Variants in FAM107B observed in about 807,000 individuals in gnomAD.
The protein encoded by FAM107B is protein FAM107B.
A neutral mutation model predicts 31.5 loss-of-function variants in FAM107B; 21 were observed. The observed-to-expected ratio is 0.67, with a 90% CI of 0.47 to 0.96. FAM107B has a LOEUF of 0.96. FAM107B is among the 40% of genes least tolerant of loss of function. The probability of loss-of-function intolerance (pLI) is 0.00; values close to 1 mark genes in which losing one functional copy is unlikely to be tolerated. For missense variants in FAM107B, 452 were observed against 377.1 expected (o/e 1.20, Z -1.64); for synonymous variants, 157 against 141.5 (o/e 1.11, Z -0.78).
At chr10:14,626,739 G>A (rs201578378) in intron 2 of FAM107B, among the ~76,000 whole-genome samples, 188 of 152,120 alleles carry the variant, frequency 1.2e-3, no homozygotes, top group East Asian at 5.0e-3. Context: ...TCCTGACCTC[G>A]TGATCTGCCC....
chr10:14,599,092 A>C (rs1011298588), intron 2 of FAM107B, among the ~76,000 whole-genome samples: 2 of 152,340 alleles, frequency 1.3e-5, no homozygotes, highest in African/African-American at 4.8e-5. Flanking sequence ...GAGAATGAGG[A>C]GGCACAACCC....
chr10:14,741,806 C>T (rs993882049), intron 1 of FAM107B, among the ~76,000 whole-genome samples: 2 of 149,452 alleles, frequency 1.3e-5, no homozygotes, highest in African/African-American at 5.0e-5. Flanking sequence ...CTGCAAGCTC[C>T]GCCTCCTGGG....
At chr10:14,718,656 A>C (rs1295359167) in intron 1 of FAM107B, among the ~76,000 whole-genome samples, 3 of 152,204 alleles carry the variant, frequency 2.0e-5, no homozygotes, top group Non-Finnish European at 4.4e-5. Context: ...AGATGAGACC[A>C]TCTTCCAGAT....
chr10:14,587,738 G>C (rs1306119199), intron 2 of FAM107B, among the ~76,000 whole-genome samples: 1 of 152,186 alleles, frequency 6.6e-6, no homozygotes, highest in Non-Finnish European at 1.5e-5. Flanking sequence ...GGTAGGGTGA[G>C]GCAAGGTGGG....
At chr10:14,751,500 A>AT (rs371112027) in intron 1 of FAM107B, among the ~76,000 whole-genome samples, 14,463 of 149,914 alleles carry the variant, frequency 0.096, 1,691 homozygotes, top group African/African-American at 0.28. Flanking sequence ...CTTATATGGG[A>AT]TTTTTTTCTT....
intron 1 of FAM107B, among the ~76,000 whole-genome samples, chr10:14,773,494 G>A (rs2125564): frequency 6.6e-6 from 1 of 152,174 alleles, no homozygotes; most frequent in Admixed American, 6.5e-5. Context: ...GTACCTTTTA[G>A]AAAACCTTTC....
At chr10:14,734,063 G>C (rs1184940429) in intron 1 of FAM107B, among the ~76,000 whole-genome samples, 1 of 152,042 alleles carries the variant, frequency 6.6e-6, no homozygotes, top group Non-Finnish European at 1.5e-5. Context: ...GACTAGATTT[G>C]TTCAAGCTTG....
chr10:14,688,384 C>T (rs553374953), intron 1 of FAM107B, among the ~76,000 whole-genome samples: 1 of 152,118 alleles, frequency 6.6e-6, no homozygotes, highest in Non-Finnish European at 1.5e-5. Flanking sequence ...TAATACACTA[C>T]CTTTCATGTA....
chr10:14,633,072 G>T (rs1271680914), intron 2 of FAM107B, among the ~76,000 whole-genome samples: 5 of 151,992 alleles, frequency 3.3e-5, no homozygotes, highest in Non-Finnish European at 1.5e-5. Context: ...AGTGGTGCAT[G>T]CCTGTAATCC....
At chr10:14,578,617 G>A (rs547093464) in intron 2 of FAM107B, among the ~76,000 whole-genome samples, 9 of 152,216 alleles carry the variant, frequency 5.9e-5, no homozygotes, top group Admixed American at 1.3e-4. Flanking sequence ...CATATTTTCC[G>A]GAGTCCGGAA....
At chr10:14,656,255 G>C (rs940853327) in intron 2 of FAM107B, among the ~76,000 whole-genome samples, 1 of 152,194 alleles carries the variant, frequency 6.6e-6, no homozygotes, top group African/African-American at 2.4e-5. Context: ...CTCCGAACCA[G>C]TGTGGGGCAT....
intron 1 of FAM107B, among the ~76,000 whole-genome samples, chr10:14,682,347 A>G (rs1854856657): frequency 6.6e-6 from 1 of 152,072 alleles, no homozygotes; most frequent in Admixed American, 6.5e-5. Flanking sequence ...TGGCCAACAT[A>G]GTGAAACCTC....
intron 2 of FAM107B, among the ~76,000 whole-genome samples, chr10:14,590,231 G>A (rs2131336873): frequency 6.6e-6 from 1 of 152,286 alleles, no homozygotes; most frequent in Non-Finnish European, 1.5e-5. Flanking sequence ...CAACATTTAT[G>A]ATTTCAAACT....
intron 2 of FAM107B, chr10:14,554,223 C>G (rs907007215): frequency 2.5e-5 from 22 of 877,728 alleles, no homozygotes; most frequent in Non-Finnish European, 1.2e-5. Context: ...ACACCTCCCC[C>G]ACGAATACTT....
At chr10:14,656,984 G>C (rs1004702254) in intron 2 of FAM107B, among the ~76,000 whole-genome samples, 1 of 152,204 alleles carries the variant, frequency 6.6e-6, no homozygotes, top group Non-Finnish European at 1.5e-5. Context: ...GTGTCCCATG[G>C]GCATGTGAGC....
intron 2 of FAM107B, among the ~76,000 whole-genome samples, chr10:14,658,000 TG>T (rs1028457009): frequency 1.3e-5 from 2 of 151,986 alleles, no homozygotes; most frequent in Non-Finnish European, 2.9e-5. Flanking sequence ...TTTTGTAGGT[TG>T]GGGTTTTGTC....
At chr10:14,772,605 A>C (rs1219325417) in intron 1 of FAM107B, among the ~76,000 whole-genome samples, 2 of 152,062 alleles carry the variant, frequency 1.3e-5, no homozygotes, top group Non-Finnish European at 2.9e-5. Flanking sequence ...CGCACAGTCA[A>C]CTGCCGCGTG....
At chr10:14,526,842 T>A (rs1046290709) in intron 3 of FAM107B, among the ~76,000 whole-genome samples, 182 of 148,702 alleles carry the variant, frequency 1.2e-3, no homozygotes, top group Non-Finnish European at 2.2e-3. Flanking sequence ...AAATATTAAT[T>A]TTTTTTTTTT....
chr10:14,575,136 T>C (rs1219818266), intron 2 of FAM107B, among the ~76,000 whole-genome samples: 1 of 152,212 alleles, frequency 6.6e-6, no homozygotes, highest in Non-Finnish European at 1.5e-5. Flanking sequence ...GGCATATTTT[T>C]TAGAATTTCT....
Sources: allele counts gnomAD v4.1 joint callset (sites outside exome capture counted in the v4.1 genomes callset), GRCh38; gene constraint gnomAD v4.1.1; transcripts MANE v1.5; gene names NCBI Gene and HGNC (gene_info 2026-07-23, HGNC 2026-07-21).